The following OR10A3 variants were observed in gnomAD, a reference collection of about 807,000 sequenced individuals.
OR10A3 encodes olfactory receptor 10A3.
OR10A3 carries 1 observed loss-of-function variant against 1.5 expected under a neutral mutation model. That is an observed-to-expected ratio of 0.66 (90% CI 0.23 to 3.11). The LOEUF (loss-of-function observed/expected upper bound fraction) is 3.11, where lower values mean the gene tolerates loss of function less well. OR10A3 is among the 30% of genes most tolerant of loss of function. The pLI is 0.21. For missense variants in OR10A3, 398 were observed against 369.7 expected (o/e 1.08, Z -0.63); for synonymous variants, 145 against 143.7 (o/e 1.01, Z -0.06).
chr11:7,937,248 TATA>T lies in OR10A3; in HGVS notation c.*1325_*1327del, dbSNP rs1360712926. 8 of 152,310 alleles carry T rather than the reference TATA, an allele frequency of 5.3e-5. No individual in the cohort carries two copies. The highest frequency in any genetic ancestry group is 1.9e-4 in the East Asian group (1 of 5,184). 9.4% of individuals were successfully genotyped at this position (152,310 alleles called of 1,614,324 possible). On this transcript the variant is annotated 3_prime_UTR_variant, in exon 2 of 2. Transcript: ENST00000642047. Reference sequence around the variant, plus strand: ...CTATTCCCAAATAATATACACAAATTATAATGACACCCCTTCATTTAGCAGAAT... The same window carrying T: ...CTATTCCCAAATAATATACACAAATTATGACACCCCTTCATTTAGCAGAAT...
Position 7,939,464 on chromosome 11 carries a change from G to C in OR10A3, c.57C>G (p.Asn19Lys). The C allele has an allele frequency of 1.3e-6, 2 of 1,594,642 alleles. No individual in the cohort carries two copies. The highest frequency in any genetic ancestry group is 1.4e-5 in the African/African-American group (1 of 73,524). Residue 19 changes from asparagine to lysine, a missense_variant, in exon 2 of 2, where the codon AAC (asparagine) becomes AAG (lysine). Coordinates refer to ENST00000642047, the MANE Select transcript of OR10A3 (RefSeq NM_001003745.2). The stretch of plus-strand genomic sequence containing the variant: ...AGAGCTGCACCTGGAGCTCAGGAAA[G>C]TTAGAAAAGCCCAGGAGGATGAATT... ...VVEFILLGFSNFPELQVQLFG... is the reference protein window; with the variant it reads ...VVEFILLGFSKFPELQVQLFG...
At chr11:7,941,409 C>G (rs532195639) in intron 1 of OR10A3, among the ~76,000 whole-genome samples, 178 bp downstream of exon 1, 33 of 152,264 alleles carry the variant, frequency 2.2e-4, no homozygotes, top group African/African-American at 7.7e-4. Flanking sequence ...GGGCAAATAA[C>G]TCCCTCATCA....
rs753823173 is a variant in OR10A3 at position 7,938,763 on chromosome 11, C to T, written c.758G>A (p.Gly253Asp). The T allele has an allele frequency of 2.2e-5, 35 of 1,614,118 alleles. No homozygotes were observed. The East Asian group carries it at 7.4e-4, about 34-fold the overall frequency. Residue 253 changes from glycine (G) to aspartate (D), a missense_variant, in exon 2 of 2, where the codon GGC becomes GAC. Transcript: ENST00000642047. ...SHLTSVTLFYGTANMTYLQPK... is the reference protein window; with the variant it reads ...SHLTSVTLFYDTANMTYLQPK... Reference sequence around the variant, plus strand: ...TTGTAAATAAGTCATATTGGCTGTGCCATAGAACAGGGTCACAGATGTGAG... The same window carrying T: ...TTGTAAATAAGTCATATTGGCTGTGTCATAGAACAGGGTCACAGATGTGAG...
Position 7,938,608 on chromosome 11 carries a change from A to T in OR10A3, c.913T>A (p.Trp305Arg). ...GTGTGTAAAATCACTTTTCTTCGCCATAGTTTTATCAAAGTCCTCTTCATC... is the reference window on the plus strand; with the variant it reads ...GTGTGTAAAATCACTTTTCTTCGCCTTAGTTTTATCAAAGTCCTCTTCATC... Reference protein sequence around the residue: ...SEMKRTLIKLWRRKVILHTF With the variant: ...SEMKRTLIKLRRRKVILHTF Residue 305 changes from tryptophan to arginine, a missense_variant, in exon 2 of 2, where the codon TGG becomes AGG. Transcript: ENST00000642047. The T allele has an allele frequency of 6.2e-7, 1 of 1,613,012 alleles. No homozygotes were observed. Among genetic ancestry groups the T allele is most frequent in the Non-Finnish European group, 8.5e-7 (1 of 1,179,664 alleles).
intron 1 of OR10A3, among the ~76,000 whole-genome samples, chr11:7,940,654 A>G (rs1941429620): frequency 6.6e-6 from 1 of 151,748 alleles, no homozygotes; most frequent in African/African-American, 2.4e-5. Context: ...ATTTAAGGGG[A>G]ACTAGAGTGA....
At chr11:7,941,388 T>C (rs1209811239) in intron 1 of OR10A3, among the ~76,000 whole-genome samples, 199 bp downstream of exon 1, 1 of 152,200 alleles carries the variant, frequency 6.6e-6, no homozygotes, top group Non-Finnish European at 1.5e-5. Flanking sequence ...ATTAACTTTC[T>C]GTATAATCTT....
rs1179300387 is a variant in OR10A3 at position 7,938,957 on chromosome 11, C to T, written c.564G>A (p.Val188=). The change falls in exon 2 of 2, where the codon GTG becomes GTA. Residue 188 remains valine (V), a synonymous_variant. Transcript: ENST00000642047. The part of the protein sequence containing the change: ...FCETPPVLEL[V]CADTFLFEIY... Reference sequence around the variant, plus strand: ...TTTCAAATAAGAAGGTGTCTGCACACACAAGCTCTAGTACCGGGGGAGTCT... The same window carrying T: ...TTTCAAATAAGAAGGTGTCTGCACATACAAGCTCTAGTACCGGGGGAGTCT... 3 of 1,614,018 alleles carry T rather than the reference C, an allele frequency of 1.9e-6. No individual in the cohort carries two copies. The highest frequency in any genetic ancestry group is 1.7e-6 in the Non-Finnish European group (2 of 1,180,012).
Position 7,939,588 on chromosome 11 carries a change from G to C in OR10A3, c.-68C>G, listed in dbSNP as rs1234375856. 8.1e-7 allele frequency: 1 copy of C among 1,237,366 alleles called. No homozygotes were observed. The highest frequency in any genetic ancestry group is 1.5e-5 in the African/African-American group (1 of 65,692). The allele number at this position is 1,237,366 out of a possible 1,614,324, so 76.6% of individuals were successfully genotyped here. A position where few individuals can be genotyped will look rare whatever the true frequency, so the allele number is the denominator to read the frequency against. On this transcript the variant is annotated 5_prime_UTR_variant, in exon 2 of 2. Transcript: ENST00000642047. ...TCGAGTATGAAGTCGTAATCCCATA[G>C]CTGTGAGTTCAAGTCTGGAATTCTT...
intron 1 of OR10A3, among the ~76,000 whole-genome samples, chr11:7,940,861 A>T (rs1282287389): frequency 6.6e-6 from 1 of 152,234 alleles, no homozygotes; most frequent in Admixed American, 6.5e-5. Flanking sequence ...TCCAAACTGG[A>T]CTTTGTGTGA....
Position 7,938,584 on chromosome 11 carries a change from T to C in OR10A3, c.937A>G (p.Thr313Ala), listed in dbSNP as rs1175928213. ...TCAGCTTCTCAACACAATCAGAATGTGTGTAAAATCACTTTTCTTCGCCAT... is the reference window on the plus strand; with the variant it reads ...TCAGCTTCTCAACACAATCAGAATGCGTGTAAAATCACTTTTCTTCGCCAT... ...KLWRRKVILH[T>A]F The change falls in exon 2 of 2, where the codon ACA (threonine) becomes GCA (alanine). Residue 313 changes from threonine to alanine, a missense_variant. Coordinates refer to ENST00000642047, the MANE Select transcript of OR10A3 (RefSeq NM_001003745.2). The C allele has an allele frequency of 6.2e-7, 1 of 1,608,152 alleles. No homozygotes were observed.
chr11:7,940,618 A>C (rs1227571141), intron 1 of OR10A3, among the ~76,000 whole-genome samples: 1 of 152,056 alleles, frequency 6.6e-6, no homozygotes, highest in Non-Finnish European at 1.5e-5. Flanking sequence ...TATCAGTAAA[A>C]TACAATGCCC....
At position 7,939,200 on chromosome 11, in the gene OR10A3, A is replaced by C; in HGVS notation, c.321T>G (p.Phe107Leu). ...CCAGGAGAAAACATTCAGTCCCACC[A>C]AAAAGAAGGATGAAATACATCTGTG... ...CFAQMYFILL[F>L]GGTECFLLGA... The change falls in exon 2 of 2, where the codon TTT becomes TTG. Residue 107 changes from phenylalanine (F) to leucine (L), a missense_variant. Physicochemically the swap from Phe to Leu is conservative, Grantham distance 22 (BLOSUM62 0). Coordinates refer to ENST00000642047, the MANE Select transcript of OR10A3 (RefSeq NM_001003745.2). The C allele has an allele frequency of 6.2e-7, 1 of 1,614,218 alleles. No homozygotes were observed.
Position 7,938,678 on chromosome 11 carries a change from A to G in OR10A3, c.843T>C (p.Leu281=), listed in dbSNP as rs766112330. The G allele has an allele frequency of 6.8e-6, 11 of 1,614,204 alleles. No individual in the cohort carries two copies. Among genetic ancestry groups the G allele is most frequent in the East Asian group, 4.5e-5 (2 of 44,866 alleles). ...AGATGAGCGGATTGAGCAGAGGGGTAAGCAACGTGTAAGCCAATGAGATCA... is the reference window on the plus strand; with the variant it reads ...AGATGAGCGGATTGAGCAGAGGGGTGAGCAACGTGTAAGCCAATGAGATCA... The part of the protein sequence containing the change: ...KKLISLAYTL[L]TPLLNPLIYS... Residue 281 remains leucine (L), a synonymous_variant, in exon 2 of 2, where the codon CTT becomes CTC. Coordinates refer to ENST00000642047, the MANE Select transcript of OR10A3 (RefSeq NM_001003745.2).
rs1449581902 is a variant in OR10A3, at chr11:7,939,037, A to C, written c.484T>G (p.Trp162Gly). 1 of 1,614,004 alleles carries C rather than the reference A, an allele frequency of 6.2e-7. No homozygotes were observed. Among genetic ancestry groups the C allele is most frequent in the Non-Finnish European group, 8.5e-7 (1 of 1,179,880 alleles). Reference sequence around the variant, plus strand: ...CCACAAAATGGAAAACTAAATACCCAAGTGGTCTGCACAGTAGCCACCATG... The same window carrying C: ...CCACAAAATGGAAAACTAAATACCCCAGTGGTCTGCACAGTAGCCACCATG... ...GIMVATVQTT[W>G]VFSFPFCGPN... The change falls in exon 2 of 2, where the codon TGG becomes GGG. Residue 162 changes from tryptophan (W) to glycine (G), a missense_variant. Physicochemically the swap from Trp to Gly is radical, Grantham distance 184. Transcript: ENST00000642047.
At chr11:7,940,281 A>G (rs1941425128) in intron 1 of OR10A3, among the ~76,000 whole-genome samples, 1 of 152,014 alleles carries the variant, frequency 6.6e-6, no homozygotes, top group African/African-American at 2.4e-5. Context: ...TTTCTTCCCA[A>G]TCCAACTGCC....
intron 1 of OR10A3, among the ~76,000 whole-genome samples, chr11:7,940,636 A>G (rs542446223): frequency 6.6e-6 from 1 of 152,064 alleles, no homozygotes; most frequent in South Asian, 2.1e-4. Flanking sequence ...CCCACTTCTC[A>G]GGCTGGCATT....
chr11:7,940,406 C>G (rs1189262257), intron 1 of OR10A3, among the ~76,000 whole-genome samples: 1 of 152,154 alleles, frequency 6.6e-6, no homozygotes, highest in African/African-American at 2.4e-5. Context: ...TCTTTAAAAT[C>G]TGGAGTCCTC....
Position 7,937,203 on chromosome 11 carries a change from C to G in OR10A3, c.*1373G>C, listed in dbSNP as rs1941367424. 6.6e-6 allele frequency: 1 copy of G among 152,124 alleles called. No homozygotes were observed. The highest frequency in any genetic ancestry group is 2.1e-4 in the South Asian group (1 of 4,834). 9.4% of individuals were successfully genotyped at this position (152,124 alleles called of 1,614,324 possible). ...CCTAAAACCAGTTTAAATAGACACA[C>G]AGATATATATATGTATTGCCTATTC... On this transcript the variant is annotated 3_prime_UTR_variant, in exon 2 of 2. Coordinates refer to ENST00000642047, the MANE Select transcript of OR10A3 (RefSeq NM_001003745.2).
intron 1 of OR10A3, among the ~76,000 whole-genome samples, chr11:7,941,223 G>A (rs1010824411): frequency 6.6e-6 from 1 of 152,146 alleles, no homozygotes; most frequent in Non-Finnish European, 1.5e-5. Context: ...CAACTTTTAA[G>A]GAGCTGATAA....
Sources: gnomAD v4.1 joint callset for allele counts (sites outside exome capture counted in the v4.1 genomes callset) on GRCh38, gnomAD v4.1.1 for gene constraint, MANE v1.5 for transcripts, NCBI Gene and HGNC (gene_info 2026-07-23, HGNC 2026-07-21) for gene names.